HERC2: variants seen among roughly 807,000 people sequenced by gnomAD.
The protein encoded by HERC2 is E3 ubiquitin-protein ligase HERC2.
HERC2 carries 102 observed loss-of-function variants against 537.7 expected under a neutral mutation model. The observed-to-expected ratio is 0.19, with a 90% CI of 0.16 to 0.22. HERC2 has a LOEUF of 0.22. HERC2 is among the 10% of genes least tolerant of loss of function. The probability of loss-of-function intolerance (pLI) is 1.00; values close to 1 mark genes in which losing one functional copy is unlikely to be tolerated. For missense variants in HERC2, 4,236 were observed against 6,198.2 expected (o/e 0.68, Z 10.63); for synonymous variants, 2,224 against 2,466.2 (o/e 0.90, Z 2.91).
At chr15:28,132,538 G>C (rs1049093592) in intron 80 of HERC2, 115 bp downstream of exon 80, 19 of 1,064,024 alleles carry the variant, frequency 1.8e-5, no homozygotes, top group Non-Finnish European at 2.3e-5. Context: ...CAAAAATACA[G>C]TGGGCCTTCT....
In HERC2 at chr15:28,116,878, C is replaced by A; in HGVS notation, c.13415-19G>T. 1 of 1,607,848 alleles carries A rather than the reference C, an allele frequency of 6.2e-7. No individual in the cohort carries two copies. The highest frequency in any genetic ancestry group is 2.2e-5 in the East Asian group (1 of 44,788). Reference sequence around the variant, plus strand: ...GATTCACCTGCAGGGGAGAAGCAGCCACTCGAAGTCCCCTCACACAGTCCT... The same window carrying A: ...GATTCACCTGCAGGGGAGAAGCAGCAACTCGAAGTCCCCTCACACAGTCCT... On this transcript the variant is annotated intron_variant, in intron 87 of 92. Coordinates refer to ENST00000261609, the MANE Select transcript of HERC2 (RefSeq NM_004667.6).
At position 28,115,089 on chromosome 15, in the gene HERC2, A is replaced by C. The variant is rs181915583; in HGVS notation, c.13723-287T>G. ...GTTCCCTCCCTGCAGCCGAGGCACA[A>C]CACAGCCATGGGGAATGAGCTGGCT... On this transcript the variant is annotated intron_variant, in intron 89 of 92. Transcript: ENST00000261609. Among the ~76,000 whole-genome samples the C allele has an allele frequency of 4.5e-3, 687 of 151,738 alleles. 4 individuals are homozygous for C. Among genetic ancestry groups the C allele is most frequent in the African/African-American group, 0.016 (664 of 41,366 alleles).
In HERC2 at chr15:28,270,690, C is replaced by A; in HGVS notation, c.1257+5G>T. 2 of 1,612,714 alleles carry A rather than the reference C, an allele frequency of 1.2e-6. No homozygotes were observed. The highest frequency in any genetic ancestry group is 1.7e-6 in the Non-Finnish European group (2 of 1,179,036). On this transcript the variant is annotated splice_donor_5th_base_variant and intron_variant, in intron 10 of 92. Transcript: ENST00000261609. ...ACATGGAGAACACGGTTCTTGCACACACACCTTATGAGATGTCGGAGAGCT... is the reference window on the plus strand; with the variant it reads ...ACATGGAGAACACGGTTCTTGCACAAACACCTTATGAGATGTCGGAGAGCT...
intron 78 of HERC2, among the ~76,000 whole-genome samples, chr15:28,136,391 G>A (rs60107275): frequency 0.16 from 24,372 of 152,078 alleles, 3,460 homozygotes; most frequent in East Asian, 0.42. Context: ...GTGGATAAAT[G>A]AGCCCCACCC....
At chr15:28,192,202 A>G in intron 52 of HERC2, 51 bp from the exon 53 acceptor site, 1 of 1,459,350 alleles carries the variant, frequency 6.9e-7, no homozygotes, top group Non-Finnish European at 9.5e-7. Context: ...ACTGGGGAGA[A>G]ACATCATGAT....
intron 2 of HERC2, among the ~76,000 whole-genome samples, chr15:28,304,807 CCACT>C (rs1394174828): frequency 7.2e-6 from 1 of 138,592 alleles, no homozygotes; most frequent in African/African-American, 2.7e-5. Context: ...TGTGCTGCAC[CCACT>C]AACTCGTCAT....
chr15:28,265,576 T>C lies in HERC2; in HGVS notation c.1870+42A>G, dbSNP rs1003052037. ...CTTCCTCCAGGGAAGCTGCCATGCG[T>C]GTCCTCGTGGGCCTGTCCAGGGTGG... On this transcript the variant is annotated intron_variant, in intron 14 of 92. Transcript: ENST00000261609. The surrounding 1 kb of genome is among the most constrained non-coding windows in gnomAD (Gnocchi z 4.0). 6.5e-7 allele frequency: 1 copy of C among 1,529,406 alleles called. No homozygotes were observed. The highest frequency in any genetic ancestry group is 1.1e-5 in the South Asian group (1 of 89,148). 94.7% of individuals were successfully genotyped at this position (1,529,406 alleles called of 1,614,324 possible). A position where few individuals can be genotyped will look rare whatever the true frequency, so the allele number is the denominator to read the frequency against.
intron 80 of HERC2, among the ~76,000 whole-genome samples, 189 bp downstream of exon 80, chr15:28,132,464 T>C (rs966490444): frequency 4.6e-5 from 7 of 152,206 alleles, no homozygotes; most frequent in Admixed American, 2.6e-4. Flanking sequence ...CAGGAGGAGG[T>C]ATCAGCGTCT....
chr15:28,311,263 G>A (rs1267172285), intron 2 of HERC2, among the ~76,000 whole-genome samples: 18 of 151,886 alleles, frequency 1.2e-4, no homozygotes, highest in African/African-American at 3.6e-4. Flanking sequence ...CCAGGAGTTC[G>A]AGACCAGCCA....
At chr15:28,181,928 G>A (rs1895862802) in intron 57 of HERC2, among the ~76,000 whole-genome samples, 1 of 152,198 alleles carries the variant, frequency 6.6e-6, no homozygotes, top group Admixed American at 6.5e-5. Flanking sequence ...AAGTGTGTAT[G>A]CGCACACATG....
intron 86 of HERC2, among the ~76,000 whole-genome samples, chr15:28,119,446 A>G (rs1290799515): frequency 1.1e-4 from 16 of 143,212 alleles, no homozygotes. Flanking sequence ...AAGGCCTGAT[A>G]TAAGTTGTCG....
chr15:28,198,488 C>T lies in HERC2; in HGVS notation c.7901G>A (p.Ser2634Asn). The T allele has an allele frequency of 1.2e-6, 2 of 1,614,052 alleles. No homozygotes were observed. The highest frequency in any genetic ancestry group is 1.1e-5 in the South Asian group (1 of 91,056). Reference sequence around the variant, plus strand: ...ACCAATCTTGATGTGAGAAGAAGAACTTGGTGGAGGATAGCCTACAGATGT... The same window carrying T: ...ACCAATCTTGATGTGAGAAGAAGAATTTGGTGGAGGATAGCCTACAGATGT... ...HVELIGYPPP[S>N]SSSHIKIGDK... The change falls in exon 50 of 93, where the codon AGT becomes AAT. Residue 2634 changes from serine (S) to asparagine (N), a missense_variant. Physicochemically the swap from Ser to Asn is conservative, Grantham distance 46. Around this residue, in one of 27 missense-constraint regions of HERC2, gnomAD observed 606 missense variants for 884.5 expected, o/e 0.69. Coordinates refer to ENST00000261609, the MANE Select transcript of HERC2 (RefSeq NM_004667.6).
chr15:28,141,264 T>A (rs1891198806), intron 78 of HERC2, among the ~76,000 whole-genome samples, 168 bp downstream of exon 78: 1 of 151,772 alleles, frequency 6.6e-6, no homozygotes, highest in Admixed American at 6.6e-5. Flanking sequence ...AATTTAAAGA[T>A]TATACAAAAA....
chr15:28,186,548 A>C, intron 56 of HERC2, 29 bp downstream of exon 56: 1 of 1,591,068 alleles, frequency 6.3e-7, no homozygotes, highest in Non-Finnish European at 8.6e-7. Context: ...GCGGGAGGTA[A>C]GTGAGCACCT....
chr15:28,214,697 T>G lies in HERC2; in HGVS notation c.6316A>C (p.Ser2106Arg), dbSNP rs1368580690. 6.2e-7 allele frequency: 1 copy of G among 1,612,032 alleles called. No individual in the cohort carries two copies. ...LVEKLFDFLG[S>R]LLTTCSSDVP... Reference sequence around the variant, plus strand: ...TCAGAGGAGCAGGTAGTGAGCAAGCTTCCCAAGAAGTCAAACAGCTTCTCC... The same window carrying G: ...TCAGAGGAGCAGGTAGTGAGCAAGCGTCCCAAGAAGTCAAACAGCTTCTCC... The change falls in exon 40 of 93, where the codon AGC (serine) becomes CGC (arginine). Residue 2106 changes from serine to arginine, a missense_variant. This residue lies in a region of HERC2 where 365 missense variants were observed against 468.8 expected (regional missense o/e 0.78). Coordinates refer to ENST00000261609, the MANE Select transcript of HERC2 (RefSeq NM_004667.6).
In HERC2 at chr15:28,202,194, C is replaced by T. The variant is rs1319296535; in HGVS notation, c.7536G>A (p.Glu2512=). 3 of 1,597,610 alleles carry T rather than the reference C, an allele frequency of 1.9e-6. No homozygotes were observed. Among genetic ancestry groups the T allele is most frequent in the East Asian group, 2.2e-5 (1 of 44,760 alleles). The change falls in exon 47 of 93, where the codon GAG becomes GAA. Residue 2512 remains glutamate, a synonymous_variant. Transcript: ENST00000261609. ...LLDHSDIQVT[E]LSDADTVSDE... ...CGGACACCGTGTCTGCATCTGAGAG[C>T]TCCGTGACCTGTATGTCGGAGTGGT...
Position 28,229,448 on chromosome 15 carries a change from C to G in HERC2, c.5120+12G>C, listed in dbSNP as rs1462026716. Reference sequence around the variant, plus strand: ...CTACCTTAATTAAGAAAAAAATATGCTAACGTTTTACCCTATATCGATTCC... The same window carrying G: ...CTACCTTAATTAAGAAAAAAATATGGTAACGTTTTACCCTATATCGATTCC... On this transcript the variant is annotated intron_variant, in intron 33 of 92. Coordinates refer to ENST00000261609, the MANE Select transcript of HERC2 (RefSeq NM_004667.6). 3.1e-6 allele frequency: 5 copies of G among 1,613,690 alleles called. No individual in the cohort carries two copies. Among genetic ancestry groups the G allele is most frequent in the Middle Eastern group, 1.7e-4 (1 of 6,056 alleles).
At chr15:28,221,434 G>A (rs1335184038) in intron 36 of HERC2, among the ~76,000 whole-genome samples, 1 of 150,290 alleles carries the variant, frequency 6.7e-6, no homozygotes, top group Admixed American at 6.7e-5. Context: ...TTTCTAAGAT[G>A]ACTGTGACAA....
rs1596071879 is a variant in HERC2 at position 28,154,440 on chromosome 15, C to A, written c.10747-1610G>T. Among the ~76,000 whole-genome samples the A allele has an allele frequency of 2.0e-5, 3 of 152,188 alleles. No individual in the cohort carries two copies. In the East Asian group the frequency reaches 5.8e-4, roughly 29 times the overall value. On this transcript the variant is annotated intron_variant, in intron 69 of 92. Coordinates refer to ENST00000261609, the MANE Select transcript of HERC2 (RefSeq NM_004667.6). Reference sequence around the variant, plus strand: ...AGGGCAGTTTGAAAACGGCCGTATCCTTATTCTTGTCTCTCCTGGAACCTG... The same window carrying A: ...AGGGCAGTTTGAAAACGGCCGTATCATTATTCTTGTCTCTCCTGGAACCTG...
Sources: allele counts gnomAD v4.1 joint callset (sites outside exome capture counted in the v4.1 genomes callset), GRCh38; gene constraint gnomAD v4.1.1; regional missense constraint gnomAD v4.1.1; non-coding constraint Gnocchi (gnomAD v3.1); transcripts MANE v1.5; gene names NCBI Gene and HGNC (gene_info 2026-07-23, HGNC 2026-07-21).